The following TRPC4 variants were observed in gnomAD, a reference collection of about 807,000 sequenced individuals.
The protein encoded by TRPC4 is transient receptor potential cation channel subfamily C member 4.
In TRPC4, 49 loss-of-function variants were observed where a neutral mutation model predicts 99.4. That is an observed-to-expected ratio of 0.49 (90% confidence interval 0.39 to 0.63). The LOEUF is 0.63. Ranked by LOEUF, TRPC4 falls within the 20% of genes least tolerant of loss-of-function variation. The pLI is 0.00. For missense variants in TRPC4, 898 were observed against 1,152.9 expected (o/e 0.78, Z 3.20); for synonymous variants, 454 against 425.9 (o/e 1.07, Z -0.81).
At chr13:37,699,065 C>T (rs1410803616) in intron 3 of TRPC4, among the ~76,000 whole-genome samples, 4 of 152,068 alleles carry the variant, frequency 2.6e-5, no homozygotes, top group African/African-American at 9.7e-5. Flanking sequence ...GGATTTGAAT[C>T]TTGGATCTGC....
intron 1 of TRPC4, among the ~76,000 whole-genome samples, chr13:37,806,118 C>T (rs1957523979): frequency 6.6e-6 from 1 of 151,714 alleles, no homozygotes; most frequent in African/African-American, 2.4e-5. Flanking sequence ...AGCTACAAAC[C>T]CAAGGGACAT....
In TRPC4 at chr13:37,636,360, T is replaced by C. The variant is rs1170441444; in HGVS notation, c.*543A>G. Among the ~76,000 whole-genome samples, 4 of 152,114 alleles carry C rather than the reference T, an allele frequency of 2.6e-5. No homozygotes were observed. The highest frequency in any genetic ancestry group is 2.9e-5 in the Non-Finnish European group (2 of 68,010). ...TTGAGGGAGTTTAGATATGACTCCA[T>C]GAGAAGAAGACTTGTTTGCTTTGTG... On this transcript the variant is annotated 3_prime_UTR_variant, in exon 11 of 11. Transcript: ENST00000379705.
intron 4 of TRPC4, among the ~76,000 whole-genome samples, chr13:37,686,976 T>G (rs1317840879): frequency 6.6e-6 from 1 of 152,136 alleles, no homozygotes; most frequent in Non-Finnish European, 1.5e-5. Flanking sequence ...TCTTTTCTTT[T>G]TTTTTTGAGA....
chr13:37,691,399 C>A (rs893321813), intron 4 of TRPC4, among the ~76,000 whole-genome samples: 3 of 152,248 alleles, frequency 2.0e-5, no homozygotes, highest in Admixed American at 1.3e-4. Context: ...CCACTGCACC[C>A]GGCGGGAAAA....
At chr13:37,649,749 A>AAAAAC (rs1951971165) in intron 8 of TRPC4, among the ~76,000 whole-genome samples, 1 of 139,780 alleles carries the variant, frequency 7.2e-6, no homozygotes, top group East Asian at 2.1e-4. Context: ...AAAAAAAAAA[A>AAAAAC]AAAAAAAAAA....
At chr13:37,731,613 C>T (rs142346054) in intron 3 of TRPC4, among the ~76,000 whole-genome samples, 189 of 152,074 alleles carry the variant, frequency 1.2e-3, no homozygotes, top group African/African-American at 4.4e-3. Context: ...ACAATCAGTG[C>T]TATGTGAATA....
rs961808976 is a variant in TRPC4, at chr13:37,869,721, G to A, written c.-154C>T. 5 of 152,206 alleles carry A rather than the reference G, an allele frequency of 3.3e-5. No homozygotes were observed. The highest frequency in any genetic ancestry group is 9.7e-5 in the African/African-American group (4 of 41,444). 9.4% of individuals were successfully genotyped at this position (152,206 alleles called of 1,614,324 possible). On this transcript the variant is annotated 5_prime_UTR_variant, in exon 1 of 11. Coordinates refer to ENST00000379705, the MANE Select transcript of TRPC4 (RefSeq NM_016179.4). Reference sequence around the variant, plus strand: ...CCCTTAGTCGCTGCTGAGTTTTGGAGCATTCCAAGGAAAACGATCGAAGCT... The same window carrying A: ...CCCTTAGTCGCTGCTGAGTTTTGGAACATTCCAAGGAAAACGATCGAAGCT...
At chr13:37,745,452 A>ATATATATATATGCG (rs1555265680) in intron 3 of TRPC4, among the ~76,000 whole-genome samples, 9 of 2,776 alleles carry the variant, frequency 3.2e-3, no homozygotes, top group Admixed American at 0.01. Context: ...ATATATATAT[A>ATATATATATATGCG]TATATATATA....
intron 1 of TRPC4, among the ~76,000 whole-genome samples, chr13:37,785,683 A>T (rs1412831655): frequency 1.3e-5 from 2 of 152,040 alleles, no homozygotes; most frequent in Non-Finnish European, 2.9e-5. Context: ...GAGAATGAAA[A>T]AACTAATTTA....
At position 37,812,184 on chromosome 13, in the gene TRPC4, A is replaced by AAAAAAAACAAACAAAC. The variant is rs1555276077; in HGVS notation, c.-27-28825_-27-28824insGTTTGTTTGTTTTTTT. On this transcript the variant is annotated intron_variant, in intron 1 of 10. Coordinates refer to ENST00000379705, the MANE Select transcript of TRPC4 (RefSeq NM_016179.4). The stretch of plus-strand genomic sequence containing the variant: ...ACAGACTGAGACTCTATCAAAAAAA[A>AAAAAAAACAAACAAAC]AAAAAAAAAAACCAGGAGATCTAAT... Among the ~76,000 whole-genome samples, 121 of 148,006 alleles carry AAAAAAAACAAACAAAC rather than the reference A, an allele frequency of 8.2e-4. 1 individual carries two copies. Among genetic ancestry groups the AAAAAAAACAAACAAAC allele is most frequent in the Middle Eastern group, 3.5e-3 (1 of 284 alleles).
intron 1 of TRPC4, among the ~76,000 whole-genome samples, chr13:37,866,983 C>T (rs1256179734): frequency 6.6e-6 from 1 of 151,188 alleles, no homozygotes; most frequent in Non-Finnish European, 1.5e-5. Flanking sequence ...GTCAATAACA[C>T]TGGTTCCAAT....
chr13:37,854,570 G>A (rs974460054), intron 1 of TRPC4, among the ~76,000 whole-genome samples: 13 of 151,920 alleles, frequency 8.6e-5, no homozygotes, highest in Admixed American at 1.3e-4. Flanking sequence ...AGTATAATAT[G>A]ACATAAAGGG....
intron 3 of TRPC4, among the ~76,000 whole-genome samples, chr13:37,697,733 C>T (rs966641016): frequency 6.6e-6 from 1 of 152,152 alleles, no homozygotes; most frequent in Non-Finnish European, 1.5e-5. Context: ...TCAGGCCCCA[C>T]TTCAAATCTG....
chr13:37,846,105 T>G (rs572448574), intron 1 of TRPC4, among the ~76,000 whole-genome samples: 4 of 151,780 alleles, frequency 2.6e-5, no homozygotes, highest in African/African-American at 9.7e-5. Flanking sequence ...GAGAAAGAAA[T>G]AAAAACTTTC....
intron 4 of TRPC4, among the ~76,000 whole-genome samples, chr13:37,679,163 G>A (rs1953153974): frequency 6.6e-6 from 1 of 152,070 alleles, no homozygotes; most frequent in African/African-American, 2.4e-5. Flanking sequence ...CAATAAATGG[G>A]CATGAATGTG....
intron 8 of TRPC4, among the ~76,000 whole-genome samples, chr13:37,649,762 AACAAC>A (rs1951979605): frequency 1.6e-5 from 1 of 63,138 alleles, no homozygotes. Context: ...AAAAAAAAAC[AACAAC>A]AAAGAACTAA....
intron 6 of TRPC4, among the ~76,000 whole-genome samples, chr13:37,658,230 A>T (rs1952308732): frequency 6.6e-6 from 1 of 152,162 alleles, no homozygotes; most frequent in Non-Finnish European, 1.5e-5. Flanking sequence ...GCTACAATTT[A>T]ATTAAGTGAC....
rs1031984462 is a variant in TRPC4 at position 37,634,376 on chromosome 13, G to T, written c.*2527C>A. ...ATTCTAGTGATATTAGTAACATCGG[G>T]TACTAATAATATCCAGCACTTTGTT... On this transcript the variant is annotated 3_prime_UTR_variant, in exon 11 of 11. Coordinates refer to ENST00000379705, the MANE Select transcript of TRPC4 (RefSeq NM_016179.4). Among the ~76,000 whole-genome samples, 1 of 151,910 alleles carries T rather than the reference G, an allele frequency of 6.6e-6. No homozygotes were observed. The highest frequency in any genetic ancestry group is 1.9e-4 in the East Asian group (1 of 5,192).
chr13:37,852,473 A>G (rs1392736252), intron 1 of TRPC4, among the ~76,000 whole-genome samples: 1 of 152,170 alleles, frequency 6.6e-6, no homozygotes, highest in African/African-American at 2.4e-5. Context: ...AACGATCCCC[A>G]GAGAGTACAC....
Sources: gnomAD v4.1 joint callset for allele counts (sites outside exome capture counted in the v4.1 genomes callset) on GRCh38, gnomAD v4.1.1 for gene constraint, MANE v1.5 for transcripts, NCBI Gene and HGNC (gene_info 2026-07-23, HGNC 2026-07-21) for gene names.